PDE4B: variants seen among roughly 807,000 people sequenced by gnomAD.
PDE4B encodes phosphodiesterase 4B, also known as 3',5'-cyclic-AMP phosphodiesterase 4B.
Under a neutral mutation model 82.2 loss-of-function variants are expected in PDE4B, and 20 were observed. The ratio of observed to expected loss-of-function variants is 0.24; its 90% CI spans 0.17 to 0.35. The LOEUF (loss-of-function observed/expected upper bound fraction) is 0.35. PDE4B is among the 10% of genes least tolerant of loss of function. The probability of loss-of-function intolerance (pLI) is 1.00; values close to 1 mark genes in which losing one functional copy is unlikely to be tolerated. For synonymous variants in PDE4B, 320 were observed against 318.9 expected (o/e 1.00, Z -0.04); for missense variants, 655 against 907.2 (o/e 0.72, Z 3.57).
intron 3 of PDE4B, among the ~76,000 whole-genome samples, chr1:66,219,058 G>T (rs188976946): frequency 6.6e-6 from 1 of 152,214 alleles, no homozygotes; most frequent in Admixed American, 6.5e-5. Flanking sequence ...CTCACTTAGG[G>T]TATATAAATA....
chr1:66,023,496 A>G, intron 3 of PDE4B, among the ~76,000 whole-genome samples: 1 of 152,238 alleles, frequency 6.6e-6, no homozygotes, highest in Non-Finnish European at 1.5e-5. Flanking sequence ...ACACAGTAAG[A>G]GTTCAGAGAA....
In PDE4B at chr1:65,993,062, G is replaced by A. The variant is rs554892371; in HGVS notation, c.281+74227G>A. On this transcript the variant is annotated intron_variant, in intron 3 of 16. Coordinates refer to ENST00000341517, the MANE Select transcript of PDE4B (RefSeq NM_002600.4). The stretch of plus-strand genomic sequence containing the variant: ...AAATTTCTCCACGCAGTTCACCAAG[G>A]AACTCACCATGCTTTTTCAGAAAGT... The A allele has an allele frequency of 1.3e-4, 213 of 1,613,844 alleles. 3 individuals carry two copies. The South Asian group carries it at 2.2e-3, about 17-fold the overall frequency.
chr1:66,344,639 C>T (rs775005027), intron 8 of PDE4B, among the ~76,000 whole-genome samples: 7 of 152,112 alleles, frequency 4.6e-5, no homozygotes, highest in South Asian at 2.1e-4. Flanking sequence ...GTATGAACTC[C>T]TTGGTAGGAG....
chr1:65,839,066 G>A (rs565379860), intron 1 of PDE4B, among the ~76,000 whole-genome samples: 9 of 152,042 alleles, frequency 5.9e-5, no homozygotes, highest in Admixed American at 2.6e-4. Context: ...GTAAGATATC[G>A]AATTTTTGCT....
chr1:65,923,763 T>A (rs1397977684), intron 3 of PDE4B, among the ~76,000 whole-genome samples: 1 of 152,234 alleles, frequency 6.6e-6, no homozygotes, highest in African/African-American at 2.4e-5. Flanking sequence ...AATTGTTTTT[T>A]GTCTCTGGAT....
At chr1:66,306,023 T>A (rs1557690650) in intron 7 of PDE4B, among the ~76,000 whole-genome samples, 1 of 152,106 alleles carries the variant, frequency 6.6e-6, no homozygotes, top group South Asian at 2.1e-4. Flanking sequence ...GGAAGCCTGA[T>A]GTAGGCCTTG....
intron 7 of PDE4B, among the ~76,000 whole-genome samples, chr1:66,313,399 C>G (rs376054558): frequency 4.5e-4 from 69 of 152,308 alleles, no homozygotes; most frequent in African/African-American, 1.6e-3. Context: ...GCCCCTGAAC[C>G]TTGCTGGAGA....
intron 3 of PDE4B, among the ~76,000 whole-genome samples, chr1:66,221,508 G>A (rs1650986260): frequency 6.6e-6 from 1 of 152,040 alleles, no homozygotes; most frequent in Non-Finnish European, 1.5e-5. Flanking sequence ...CTTAACCTTT[G>A]CAGCAACACT....
intron 3 of PDE4B, among the ~76,000 whole-genome samples, chr1:66,117,713 A>G (rs1332031117): frequency 7.2e-5 from 11 of 152,204 alleles, no homozygotes; most frequent in Admixed American, 7.2e-4. Flanking sequence ...CTTATAAAAT[A>G]TTAGAGCTGA....
intron 4 of PDE4B, among the ~76,000 whole-genome samples, chr1:66,252,206 A>G (rs1653840999): frequency 6.6e-6 from 1 of 152,256 alleles, no homozygotes; most frequent in African/African-American, 2.4e-5. Context: ...GATCAGGAGC[A>G]TTCTCTTACT....
chr1:66,209,505 G>A (rs1649852939), intron 3 of PDE4B, among the ~76,000 whole-genome samples: 1 of 152,120 alleles, frequency 6.6e-6, no homozygotes, highest in Non-Finnish European at 1.5e-5. Context: ...TGTCCCACCA[G>A]CACGTAATTT....
chr1:65,831,134 A>C (rs997994344), intron 1 of PDE4B, among the ~76,000 whole-genome samples: 7 of 152,042 alleles, frequency 4.6e-5, no homozygotes, highest in Admixed American at 6.6e-5. Context: ...AAAGAAGCTT[A>C]GAGAAAGAAG....
chr1:66,210,595 C>CAAAAAAAAAAAAAAAAAAAAAAAAA (rs35825766), intron 3 of PDE4B, among the ~76,000 whole-genome samples: 1 of 45,800 alleles, frequency 2.2e-5, no homozygotes, highest in Non-Finnish European at 4.1e-5. Flanking sequence ...GACTCCATCT[C>CAAAAAAAAAAAAAAAAAAAAAAAAA]AAAAAAAAAA....
At chr1:65,893,079 A>G (rs2100392408) in intron 1 of PDE4B, among the ~76,000 whole-genome samples, 1 of 152,234 alleles carries the variant, frequency 6.6e-6, no homozygotes. Context: ...AAAGAGAAGT[A>G]TCTAGGAGGC....
intron 3 of PDE4B, among the ~76,000 whole-genome samples, chr1:65,984,594 A>G (rs185353142): frequency 6.6e-6 from 1 of 152,140 alleles, no homozygotes; most frequent in African/African-American, 2.4e-5. Context: ...ATCTCTAATA[A>G]AAATAGAAAA....
chr1:66,067,194 G>A (rs546510031), intron 3 of PDE4B, among the ~76,000 whole-genome samples: 43 of 152,118 alleles, frequency 2.8e-4, no homozygotes, highest in African/African-American at 9.9e-4. Context: ...AATCCTTTGG[G>A]TATATACCCA....
At chr1:66,370,955 C>T (rs1453080077) in intron 16 of PDE4B, among the ~76,000 whole-genome samples, 8 of 150,942 alleles carry the variant, frequency 5.3e-5, no homozygotes, top group Non-Finnish European at 1.2e-4. Flanking sequence ...ATCAGAGATT[C>T]CCTGACTTTG....
chr1:66,133,944 C>T (rs1358595337), intron 3 of PDE4B, among the ~76,000 whole-genome samples: 1 of 152,082 alleles, frequency 6.6e-6, no homozygotes, highest in East Asian at 1.9e-4. Flanking sequence ...CAAGTGAGCT[C>T]AGGGCCTGCC....
At chr1:66,367,482 AG>A (rs1663334194) in intron 13 of PDE4B, 1 of 421,264 alleles carries the variant, frequency 2.4e-6, no homozygotes, top group Admixed American at 4.0e-5. Flanking sequence ...TTTTAATCAC[AG>A]GGAAAGCTTA....
Sources: allele counts gnomAD v4.1 joint callset (sites outside exome capture counted in the v4.1 genomes callset), GRCh38; gene constraint gnomAD v4.1.1; transcripts MANE v1.5; gene names NCBI Gene and HGNC (gene_info 2026-07-23, HGNC 2026-07-21).